Variants in IGSF21 observed in about 807,000 individuals in gnomAD.
IGSF21 encodes the protein immunoglobulin superfamily member 21.
A neutral mutation model predicts 46.8 loss-of-function variants in IGSF21; 28 were observed. The ratio of observed to expected loss-of-function variants is 0.60; its 90% CI spans 0.44 to 0.82. The LOEUF (loss-of-function observed/expected upper bound fraction) is 0.82. Among genes scored for constraint, IGSF21 ranks in the 40% least tolerant of loss-of-function variants. IGSF21 has a pLI of 0.00. For missense variants in IGSF21, 624 were observed against 665.5 expected (o/e 0.94, Z 0.69); for synonymous variants, 284 against 273.6 (o/e 1.04, Z -0.38).
intron 3 of IGSF21, among the ~76,000 whole-genome samples, chr1:18,317,824 G>A (rs1042966458): frequency 1.8e-4 from 27 of 152,188 alleles, no homozygotes; most frequent in African/African-American, 6.3e-4. Context: ...TGCCTTCTGT[G>A]TATTATCTCA....
rs759862890 is a variant in IGSF21 at position 18,378,323 on chromosome 1, G to C, written c.1401G>C (p.Thr467=). Residue 467 remains threonine (T), a synonymous_variant, in exon 10 of 10, where the codon ACG becomes ACC. Coordinates refer to ENST00000251296, the MANE Select transcript of IGSF21 (RefSeq NM_032880.5). ...VLALTVILEL[T] Reference sequence around the variant, plus strand: ...CCCTGACAGTGATTCTGGAGCTGACGTGAAGGCACCCGCCCCGGCCACTCC... The same window carrying C: ...CCCTGACAGTGATTCTGGAGCTGACCTGAAGGCACCCGCCCCGGCCACTCC... 2.5e-6 allele frequency: 4 copies of C among 1,612,350 alleles called. No individual in the cohort carries two copies. The highest frequency in any genetic ancestry group is 3.4e-6 in the Non-Finnish European group (4 of 1,179,126).
At chr1:18,374,383 C>T (rs1207606637) in intron 6 of IGSF21, among the ~76,000 whole-genome samples, 1 of 152,176 alleles carries the variant, frequency 6.6e-6, no homozygotes, top group African/African-American at 2.4e-5. Flanking sequence ...CCTGCCACTG[C>T]CTGATGTTCC....
rs145474258 is a variant in IGSF21 at position 18,164,700 on chromosome 1, A to G, written c.70+56502A>G. Reference sequence around the variant, plus strand: ...CGATTATCTTTCATACTTTTTGCCCATATTTGTTCCTTTGTTGGTATTTTT... The same window carrying G: ...CGATTATCTTTCATACTTTTTGCCCGTATTTGTTCCTTTGTTGGTATTTTT... On this transcript the variant is annotated intron_variant, in intron 1 of 9. Transcript: ENST00000251296. 8.3e-3 allele frequency among the ~76,000 whole-genome samples: 1,266 copies of G among 151,906 alleles called. 11 individuals carry two copies. The highest frequency in any genetic ancestry group is 0.022 in the South Asian group (107 of 4,816).
chr1:18,177,265 A>G (rs2086808387), intron 1 of IGSF21, among the ~76,000 whole-genome samples: 1 of 74,020 alleles, frequency 1.4e-5, no homozygotes, highest in South Asian at 4.3e-4. Context: ...AAGGACTCAG[A>G]CAACAGGGCA....
At chr1:18,198,224 C>T (rs955452089) in intron 1 of IGSF21, among the ~76,000 whole-genome samples, 1 of 152,186 alleles carries the variant, frequency 6.6e-6, no homozygotes, top group Non-Finnish European at 1.5e-5. Context: ...GTGGCCATAC[C>T]AGAGTAAGAG....
intron 2 of IGSF21, among the ~76,000 whole-genome samples, chr1:18,242,419 T>C (rs1357996415): frequency 6.6e-6 from 1 of 152,230 alleles, no homozygotes; most frequent in Non-Finnish European, 1.5e-5. Context: ...AGGGATGGCT[T>C]CTGAATTGGA....
chr1:18,212,967 T>C (rs1293543254), intron 1 of IGSF21, among the ~76,000 whole-genome samples: 2 of 152,232 alleles, frequency 1.3e-5, no homozygotes, highest in Admixed American at 6.5e-5. Context: ...AGAAAGGTCA[T>C]AGGACTGTGC....
At chr1:18,350,916 C>T (rs61760821) in intron 4 of IGSF21, among the ~76,000 whole-genome samples, 11 of 151,636 alleles carry the variant, frequency 7.3e-5, no homozygotes, top group Non-Finnish European at 1.3e-4. Flanking sequence ...GCAGGGAGAT[C>T]GGCAGGCGTG....
intron 3 of IGSF21, among the ~76,000 whole-genome samples, chr1:18,305,428 G>A (rs1178116596): frequency 6.6e-6 from 1 of 150,764 alleles, no homozygotes; most frequent in African/African-American, 2.4e-5. Context: ...TGGATAGATG[G>A]ATGGATTATG....
chr1:18,281,380 T>G (rs1212393923), intron 2 of IGSF21, among the ~76,000 whole-genome samples: 1 of 151,856 alleles, frequency 6.6e-6, no homozygotes, highest in Non-Finnish European at 1.5e-5. Context: ...GCCAACATAG[T>G]GAAACCCTGA....
At chr1:18,210,209 G>T (rs551564046) in intron 1 of IGSF21, among the ~76,000 whole-genome samples, 1 of 152,136 alleles carries the variant, frequency 6.6e-6, no homozygotes. Context: ...GTGGAAGAAC[G>T]AGATTAGAGA....
At position 18,254,135 on chromosome 1, in the gene IGSF21, A is replaced by G. The variant is rs113459620; in HGVS notation, c.183+26125A>G. On this transcript the variant is annotated intron_variant, in intron 2 of 9. Coordinates refer to ENST00000251296, the MANE Select transcript of IGSF21 (RefSeq NM_032880.5). ...AGGTTTAGGTGCTTCTACCCAGTTC[A>G]TGCTTGTAGTAAGTTCTGGAGCCTG... 1.7e-3 allele frequency among the ~76,000 whole-genome samples: 262 copies of G among 152,272 alleles called. 1 individual carries two copies. The highest frequency in any genetic ancestry group is 5.9e-3 in the African/African-American group (245 of 41,548).
intron 3 of IGSF21, among the ~76,000 whole-genome samples, chr1:18,305,446 G>A (rs191108735): frequency 6.6e-6 from 1 of 150,588 alleles, no homozygotes; most frequent in Non-Finnish European, 1.5e-5. Flanking sequence ...ATGGATGGAT[G>A]GATGCATGCA....
At chr1:18,148,946 C>T (rs2086495673) in intron 1 of IGSF21, among the ~76,000 whole-genome samples, 2 of 152,178 alleles carry the variant, frequency 1.3e-5, no homozygotes, top group South Asian at 2.1e-4. Flanking sequence ...TTAAAAAAGC[C>T]GGAGCATAAA....
At chr1:18,216,576 C>T (rs938859776) in intron 1 of IGSF21, among the ~76,000 whole-genome samples, 7 of 152,006 alleles carry the variant, frequency 4.6e-5, no homozygotes, top group African/African-American at 7.3e-5. Flanking sequence ...AAACTGAGGC[C>T]AGATTGGTGC....
intron 1 of IGSF21, among the ~76,000 whole-genome samples, chr1:18,183,987 T>C (rs1490707640): frequency 6.7e-6 from 1 of 148,442 alleles, no homozygotes; most frequent in Non-Finnish European, 1.5e-5. Context: ...GAGAAGGGAG[T>C]GGGTATTTGC....
chr1:18,145,596 C>T (rs973816064), intron 1 of IGSF21, among the ~76,000 whole-genome samples: 1 of 152,112 alleles, frequency 6.6e-6, no homozygotes, highest in Non-Finnish European at 1.5e-5. Flanking sequence ...GAAGCACACA[C>T]ATCCTCTTGC....
At chr1:18,251,269 A>T (rs1270256932) in intron 2 of IGSF21, among the ~76,000 whole-genome samples, 1 of 152,184 alleles carries the variant, frequency 6.6e-6, no homozygotes, top group East Asian at 1.9e-4. Context: ...GGTTTCAAAA[A>T]AAATTATCTG....
intron 2 of IGSF21, among the ~76,000 whole-genome samples, chr1:18,248,751 T>C (rs2084807730): frequency 6.6e-6 from 1 of 152,072 alleles, no homozygotes; most frequent in Admixed American, 6.5e-5. Flanking sequence ...CCTACAGGGG[T>C]GTCAGGCCCT....
Sources: gnomAD v4.1 joint callset for allele counts (sites outside exome capture counted in the v4.1 genomes callset) on GRCh38, gnomAD v4.1.1 for gene constraint, MANE v1.5 for transcripts, NCBI Gene and HGNC (gene_info 2026-07-23, HGNC 2026-07-21) for gene names.